Variants in ZNF385D observed in about 807,000 individuals in gnomAD.
ZNF385D encodes the protein zinc finger protein 659.
A neutral mutation model predicts 35.8 loss-of-function variants in ZNF385D; 15 were observed. The observed-to-expected ratio is 0.42, with a 90% CI of 0.28 to 0.64. The LOEUF (loss-of-function observed/expected upper bound fraction) is 0.64. ZNF385D is among the 30% of genes least tolerant of loss of function. The probability of loss-of-function intolerance (pLI) is 0.23; values close to 1 mark genes in which losing one functional copy is unlikely to be tolerated. For missense variants in ZNF385D, 474 were observed against 494.6 expected (o/e 0.96, Z 0.39); for synonymous variants, 212 against 186.8 (o/e 1.13, Z -1.10).
At chr3:21,974,798 C>T (rs981624977) in intron 3 of ZNF385D, among the ~76,000 whole-genome samples, 5 of 152,006 alleles carry the variant, frequency 3.3e-5, no homozygotes, top group Admixed American at 6.6e-5. Context: ...ACGCAAATGG[C>T]AAACAAGGAT....
chr3:22,318,426 T>C (rs1296532315), intron 2 of ZNF385D, among the ~76,000 whole-genome samples: 1 of 152,106 alleles, frequency 6.6e-6, no homozygotes, highest in Non-Finnish European at 1.5e-5. Context: ...TTGTCTCCAG[T>C]GTGAAGAAAG....
rs368555930 is a variant in ZNF385D at position 21,608,012 on chromosome 3, C to CTTTTTTTTTTTTTTTTTTTTTTTTTTTTT, written c.166-43329_166-43328insAAAAAAAAAAAAAAAAAAAAAAAAAAAAA. On this transcript the variant is annotated intron_variant, in intron 2 of 7. Coordinates refer to ENST00000281523, the MANE Select transcript of ZNF385D (RefSeq NM_024697.3). ...ATGAAAAGATGTAATTCTTTTTCTT[C>CTTTTTTTTTTTTTTTTTTTTTTTTTTTTT]TTTTTTTTTTGTTTTTTTTTTTTGA... Among the ~76,000 whole-genome samples the CTTTTTTTTTTTTTTTTTTTTTTTTTTTTT allele has an allele frequency of 1.6e-4, 20 of 123,970 alleles. 2 individuals carry two copies. Among genetic ancestry groups the CTTTTTTTTTTTTTTTTTTTTTTTTTTTTT allele is most frequent in the African/African-American group, 5.6e-4 (18 of 32,002 alleles). The allele number at this position is 123,970 out of a possible 152,430, so 81.3% of individuals were successfully genotyped here.
intron 3 of ZNF385D, among the ~76,000 whole-genome samples, chr3:21,958,182 C>T (rs1162384394): frequency 6.6e-6 from 1 of 152,070 alleles, no homozygotes; most frequent in South Asian, 2.1e-4. Flanking sequence ...CATATTCTAT[C>T]GTTTCTACCT....
intron 2 of ZNF385D, among the ~76,000 whole-genome samples, chr3:22,200,423 G>C (rs544323831): frequency 7.9e-5 from 12 of 152,176 alleles, no homozygotes; most frequent in African/African-American, 2.9e-4. Context: ...AGTTTCAAAA[G>C]GGGAGGGAGT....
chr3:21,792,547 G>C lies in ZNF385D; in HGVS notation c.326-127519C>G, dbSNP rs371365842. The stretch of plus-strand genomic sequence containing the variant: ...AAAATAGTTAGTAGCTGGCTCTTTA[G>C]AGAAAGAATCTTTACATCCTTGGTC... On this transcript the variant is annotated intron_variant, in intron 3 of 5. Coordinates refer to the ZNF385D transcript ENST00000494108. 2.0e-5 allele frequency among the ~76,000 whole-genome samples: 3 copies of C among 152,166 alleles called. No homozygotes were observed. The South Asian group carries it at 6.2e-4, about 32-fold the overall frequency.
At chr3:21,635,741 C>A (rs1041637410) in intron 2 of ZNF385D, among the ~76,000 whole-genome samples, 17 of 151,998 alleles carry the variant, frequency 1.1e-4, no homozygotes, top group Admixed American at 1.1e-3. Flanking sequence ...CCCCAAAGTC[C>A]ATTGTATCAT....
chr3:21,744,299 A>T (rs1372818562), intron 1 of ZNF385D, among the ~76,000 whole-genome samples: 1 of 152,228 alleles, frequency 6.6e-6, no homozygotes, highest in Non-Finnish European at 1.5e-5. Flanking sequence ...CATGTTTATT[A>T]AAGTACATTT....
At chr3:22,245,478 CAA>C (rs10576851) in intron 2 of ZNF385D, among the ~76,000 whole-genome samples, 61,266 of 124,150 alleles carry the variant, frequency 0.49, 13,681 homozygotes, top group African/African-American at 0.6. Context: ...CAGGATAAGC[CAA>C]AAAAAAAAAA....
upstream of ZNF385D, among the ~76,000 whole-genome samples, chr3:21,752,973 T>C (rs558835097): frequency 1.1e-3 from 167 of 152,302 alleles, 2 homozygotes; most frequent in Non-Finnish European, 4.1e-4. Context: ...TGTAGTTTAA[T>C]GTTAGTGCTT....
chr3:21,850,236 C>T (rs868697901), intron 3 of ZNF385D, among the ~76,000 whole-genome samples: 3 of 152,046 alleles, frequency 2.0e-5, no homozygotes, highest in South Asian at 4.1e-4. Context: ...GCCCTTCTGC[C>T]ACAAAGAACT....
chr3:22,221,265 A>G (rs1698239099), intron 2 of ZNF385D, among the ~76,000 whole-genome samples: 1 of 152,158 alleles, frequency 6.6e-6, no homozygotes, highest in African/African-American at 2.4e-5. Context: ...AGAGAATATT[A>G]GAATCAACTT....
At position 22,278,277 on chromosome 3, in the gene ZNF385D, A is replaced by T. The variant is rs375532672; in HGVS notation, c.106+94173T>A. On this transcript the variant is annotated intron_variant, in intron 2 of 5. Transcript: ENST00000494108. ...GTACAGTCACAATGGTGACTGCTTC[A>T]TTGTCACCGAGTGTATCATTGTGAC... Among the ~76,000 whole-genome samples the T allele has an allele frequency of 5.3e-5, 8 of 152,274 alleles. No homozygotes were observed. In the South Asian group the frequency reaches 8.3e-4, roughly 16 times the overall value.
intron 2 of ZNF385D, among the ~76,000 whole-genome samples, chr3:22,271,007 A>G (rs1343508289): frequency 6.6e-6 from 1 of 151,742 alleles, no homozygotes; most frequent in Admixed American, 6.6e-5. Context: ...TCTGAGCAAC[A>G]TTTTTTTGAT....
intron 3 of ZNF385D, among the ~76,000 whole-genome samples, chr3:21,926,717 T>C (rs1700747684): frequency 6.6e-6 from 1 of 152,108 alleles, no homozygotes; most frequent in Admixed American, 6.5e-5. Flanking sequence ...ACCTAGGCAA[T>C]ACCATTCAGG....
At chr3:21,812,381 C>A (rs1454138200) in intron 3 of ZNF385D, among the ~76,000 whole-genome samples, 2 of 152,220 alleles carry the variant, frequency 1.3e-5, no homozygotes, top group Non-Finnish European at 2.9e-5. Context: ...GGAGTGTGAG[C>A]TGAAGCAGGG....
At chr3:21,551,510 T>C (rs1193277376) in intron 3 of ZNF385D, among the ~76,000 whole-genome samples, 1 of 152,384 alleles carries the variant, frequency 6.6e-6, no homozygotes, top group East Asian at 1.9e-4. Context: ...TGAGATCTTA[T>C]TTCCTATTCT....
intron 3 of ZNF385D, among the ~76,000 whole-genome samples, chr3:22,057,640 G>C (rs1699473694): frequency 6.6e-6 from 1 of 151,746 alleles, no homozygotes; most frequent in Non-Finnish European, 1.5e-5. Flanking sequence ...CTCCCGAGTA[G>C]CTGGAACGAC....
chr3:21,531,842 C>T (rs762762371), intron 3 of ZNF385D, among the ~76,000 whole-genome samples: 1 of 152,072 alleles, frequency 6.6e-6, no homozygotes, highest in African/African-American at 2.4e-5. Flanking sequence ...CTGCTCAAAC[C>T]CATAGAATAT....
chr3:21,689,011 T>C (rs560411088), intron 1 of ZNF385D, among the ~76,000 whole-genome samples: 1 of 151,804 alleles, frequency 6.6e-6, no homozygotes, highest in Non-Finnish European at 1.5e-5. Context: ...CAAAGTAAGA[T>C]TACCTGAATA....
Sources: allele counts gnomAD v4.1 joint callset (sites outside exome capture counted in the v4.1 genomes callset), GRCh38; gene constraint gnomAD v4.1.1; transcripts MANE v1.5; gene names NCBI Gene and HGNC (gene_info 2026-07-23, HGNC 2026-07-21).